BCAS3: variants seen among roughly 807,000 people sequenced by gnomAD.
BCAS3 encodes BCAS4/BCAS3 fusion.
A neutral mutation model predicts 116.1 loss-of-function variants in BCAS3; 53 were observed. The observed-to-expected ratio is 0.46, with a 90% CI of 0.37 to 0.57. The LOEUF (loss-of-function observed/expected upper bound fraction) is 0.57. Among genes scored for constraint, BCAS3 ranks in the 20% least tolerant of loss-of-function variants. BCAS3 has a pLI of 0.00. For synonymous variants in BCAS3, 391 were observed against 408.2 expected (o/e 0.96, Z 0.51); for missense variants, 917 against 1,165.4 (o/e 0.79, Z 3.10).
chr17:61,192,967 A>C (rs2144237381), intron 22 of BCAS3, among the ~76,000 whole-genome samples: 1 of 152,356 alleles, frequency 6.6e-6, no homozygotes, highest in East Asian at 1.9e-4. Context: ...ATGGTATAAA[A>C]ATTTAAGGAC....
chr17:60,746,616 T>G (rs1304616320), intron 5 of BCAS3, among the ~76,000 whole-genome samples: 2 of 152,170 alleles, frequency 1.3e-5, no homozygotes, highest in African/African-American at 2.4e-5. Flanking sequence ...TCATAGAATA[T>G]TGAAATTAGA....
intron 18 of BCAS3, among the ~76,000 whole-genome samples, chr17:61,038,552 C>T (rs1410688951): frequency 6.6e-6 from 1 of 151,812 alleles, no homozygotes; most frequent in Non-Finnish European, 1.5e-5. Flanking sequence ...CGTGCTGGCC[C>T]AGTTTCTAGA....
chr17:60,740,498 C>CAAA (rs774901641), intron 5 of BCAS3, among the ~76,000 whole-genome samples: 1,012 of 58,308 alleles, frequency 0.017, 25 homozygotes, highest in African/African-American at 0.051. Flanking sequence ...GACCCTGTCT[C>CAAA]AAAAAAAAAA....
chr17:61,218,926 G>C (rs2081956646), intron 22 of BCAS3, among the ~76,000 whole-genome samples: 1 of 152,106 alleles, frequency 6.6e-6, no homozygotes, highest in African/African-American at 2.4e-5. Context: ...CTACTAAATG[G>C]AATGATACCA....
chr17:61,170,988 C>T (rs1027066205), intron 22 of BCAS3, among the ~76,000 whole-genome samples: 1 of 152,176 alleles, frequency 6.6e-6, no homozygotes, highest in Admixed American at 6.5e-5. Context: ...GGAGTGATTT[C>T]TGTTCCCATT....
intron 19 of BCAS3, among the ~76,000 whole-genome samples, chr17:61,064,905 G>A (rs2070453769): frequency 6.6e-6 from 1 of 152,152 alleles, no homozygotes; most frequent in African/African-American, 2.4e-5. Flanking sequence ...GTATAGGGAT[G>A]GCTGCTAATC....
intron 2 of BCAS3, 131 bp from the exon 3 acceptor site, chr17:60,683,851 C>A (rs2033624391): frequency 1.2e-6 from 1 of 804,378 alleles, no homozygotes; most frequent in Non-Finnish European, 2.0e-6. Context: ...CAAAACAAAA[C>A]AAACAAAAAA....
At chr17:60,872,558 C>T (rs1266914845) in intron 8 of BCAS3, among the ~76,000 whole-genome samples, 2 of 148,844 alleles carry the variant, frequency 1.3e-5, no homozygotes, top group South Asian at 2.1e-4. Context: ...TATATACACA[C>T]ACCCCCATAT....
At chr17:61,045,893 TAATATATATAAATATATATTTATATATA>T (rs1568211350) in intron 19 of BCAS3, among the ~76,000 whole-genome samples, 1 of 38,054 alleles carries the variant, frequency 2.6e-5, no homozygotes, top group East Asian at 7.5e-4. Flanking sequence ...ATTATATATA[TAATATATATAAATATATATTTATATATA>T]TAATATATAT....
At chr17:60,693,885 A>AT (rs202004899) in intron 4 of BCAS3, among the ~76,000 whole-genome samples, 5,902 of 131,500 alleles carry the variant, frequency 0.045, 603 homozygotes, top group African/African-American at 0.15. Context: ...AAAAATTTTA[A>AT]TTTTTTTTTT....
intron 14 of BCAS3, among the ~76,000 whole-genome samples, chr17:60,958,594 C>G (rs1042785055): frequency 6.6e-6 from 1 of 152,130 alleles, no homozygotes; most frequent in African/African-American, 2.4e-5. Flanking sequence ...GAATACTTAC[C>G]ATCATTAAAA....
At chr17:60,856,973 C>A (rs2053735202) in intron 7 of BCAS3, among the ~76,000 whole-genome samples, 1 of 152,018 alleles carries the variant, frequency 6.6e-6, no homozygotes, top group East Asian at 1.9e-4. Flanking sequence ...AAATGAGGAC[C>A]TTTTCCTCCC....
chr17:61,269,802 C>CTT (rs775560445), intron 22 of BCAS3, among the ~76,000 whole-genome samples: 7 of 139,768 alleles, frequency 5.0e-5, no homozygotes, highest in African/African-American at 1.8e-4. Context: ...TTCTTTCTTT[C>CTT]TTTTTTTTTT....
rs1381918050 is a variant in BCAS3, at chr17:61,037,186, G to A, written c.1763-703G>A. ...TTTAGGCATACAACTAACCTTTCATGCAAGTCATTTGGTACATGCAGGGTA... is the reference window on the plus strand; with the variant it reads ...TTTAGGCATACAACTAACCTTTCATACAAGTCATTTGGTACATGCAGGGTA... On this transcript the variant is annotated intron_variant, in intron 17 of 23. Coordinates refer to ENST00000407086, the MANE Select transcript of BCAS3 (RefSeq NM_017679.5). The surrounding 1 kb of genome is among the most constrained non-coding windows in gnomAD (Gnocchi z 4.7). Among the ~76,000 whole-genome samples, 2 of 152,258 alleles carry A rather than the reference G, an allele frequency of 1.3e-5. No individual in the cohort carries two copies. The highest frequency in any genetic ancestry group is 6.5e-5 in the Admixed American group (1 of 15,294).
chr17:60,927,263 T>C (rs1401134784), intron 13 of BCAS3, among the ~76,000 whole-genome samples: 1 of 151,914 alleles, frequency 6.6e-6, no homozygotes, highest in African/African-American at 2.4e-5. Flanking sequence ...GTTTTTTGTT[T>C]GTTTTTTTTT....
chr17:60,753,169 G>A (rs1025712605), intron 6 of BCAS3, among the ~76,000 whole-genome samples: 2 of 152,014 alleles, frequency 1.3e-5, no homozygotes, highest in African/African-American at 2.4e-5. Context: ...GATTACTAGG[G>A]AAGATAGAAA....
intron 22 of BCAS3, among the ~76,000 whole-genome samples, chr17:61,150,042 G>C (rs1182270696): frequency 2.0e-5 from 3 of 152,192 alleles, no homozygotes; most frequent in Non-Finnish European, 2.9e-5. Context: ...AACAGGAAAG[G>C]GGGTGGGGAG....
At chr17:61,289,613 T>C (rs2052185044) in intron 22 of BCAS3, among the ~76,000 whole-genome samples, 1 of 152,080 alleles carries the variant, frequency 6.6e-6, no homozygotes, top group South Asian at 2.1e-4. Flanking sequence ...CCTCTATAAA[T>C]CACTGGAGAT....
chr17:60,846,564 T>C (rs1274541890), intron 7 of BCAS3, among the ~76,000 whole-genome samples: 1 of 152,178 alleles, frequency 6.6e-6, no homozygotes, highest in African/African-American at 2.4e-5. Context: ...TGTGGATTTG[T>C]CTATTTTTCC....
Sources: gnomAD v4.1 joint callset for allele counts (sites outside exome capture counted in the v4.1 genomes callset) on GRCh38, gnomAD v4.1.1 for gene constraint, Gnocchi (gnomAD v3.1) non-coding constraint, MANE v1.5 for transcripts, NCBI Gene and HGNC (gene_info 2026-07-23, HGNC 2026-07-21) for gene names.